The following TMCC3 variants were observed in gnomAD, a reference collection of about 807,000 sequenced individuals.
TMCC3 encodes the protein transmembrane and coiled-coil domain protein 3.
In TMCC3, 28 loss-of-function variants were observed where a neutral mutation model predicts 40.2. The ratio of observed to expected loss-of-function variants is 0.70; its 90% CI spans 0.52 to 0.95. The LOEUF is 0.95. Among genes scored for constraint, TMCC3 ranks in the 40% least tolerant of loss-of-function variants. The pLI is 0.00. For missense variants in TMCC3, 554 were observed against 615.2 expected (o/e 0.90, Z 1.05); for synonymous variants, 255 against 248.5 (o/e 1.03, Z -0.25).
intron 1 of TMCC3, among the ~76,000 whole-genome samples, chr12:94,602,219 C>T (rs1440332593): frequency 6.6e-6 from 1 of 152,206 alleles, no homozygotes; most frequent in Non-Finnish European, 1.5e-5. Flanking sequence ...AAAATCCTTT[C>T]TACAAAACTT....
intron 1 of TMCC3, among the ~76,000 whole-genome samples, chr12:94,609,448 C>T (rs977796911): frequency 1.6e-4 from 25 of 152,126 alleles, no homozygotes; most frequent in African/African-American, 5.6e-4. Flanking sequence ...CTTCTGATCA[C>T]CCCAAGTCCA....
At chr12:94,603,526 T>G (rs562066367) in intron 1 of TMCC3, among the ~76,000 whole-genome samples, 85 of 152,298 alleles carry the variant, frequency 5.6e-4, no homozygotes, top group African/African-American at 2.0e-3. Flanking sequence ...ATCTCACGTG[T>G]GTAATACTTA....
intron 1 of TMCC3, among the ~76,000 whole-genome samples, chr12:94,593,430 G>A (rs1452311566): frequency 3.7e-5 from 2 of 54,008 alleles, no homozygotes; most frequent in African/African-American, 1.2e-4. Context: ...GAAGGAAGAA[G>A]AAGGAGAAGG....
intron 1 of TMCC3, chr12:94,590,899 G>A: frequency 3.4e-6 from 2 of 584,608 alleles, no homozygotes; most frequent in Admixed American, 1.9e-5. Context: ...CAGCCTAGAT[G>A]AGTGAGTTTA....
In TMCC3 at chr12:94,582,522, A is replaced by G. The variant is rs751153724; in HGVS notation, c.95T>C (p.Met32Thr). 5 of 1,603,052 alleles carry G rather than the reference A, an allele frequency of 3.1e-6. No individual in the cohort carries two copies. Among genetic ancestry groups the G allele is most frequent in the Admixed American group, 1.7e-5 (1 of 57,660 alleles). Residue 32 changes from methionine (M) to threonine (T), a missense_variant, in exon 2 of 4, where the codon ATG becomes ACG. Transcript: ENST00000261226. ...RCKSRVERHD[M>T]NTLSLPLNIR... ...GTTCAGGGGCAGGCTTAAGGTATTCATGTCATGACGTTCTACCTGAAAGAG... is the reference window on the plus strand; with the variant it reads ...GTTCAGGGGCAGGCTTAAGGTATTCGTGTCATGACGTTCTACCTGAAAGAG...
intron 1 of TMCC3, among the ~76,000 whole-genome samples, chr12:94,648,513 C>T (rs771563438): frequency 6.6e-6 from 1 of 152,224 alleles, no homozygotes; most frequent in African/African-American, 2.4e-5. Flanking sequence ...GCATGAGCCA[C>T]CGCCCCCGGC....
intron 2 of TMCC3, among the ~76,000 whole-genome samples, chr12:94,580,968 A>G (rs948035722): frequency 2.0e-5 from 3 of 152,202 alleles, no homozygotes; most frequent in Non-Finnish European, 4.4e-5. Flanking sequence ...AAGGACCCAC[A>G]CATAAATCCT....
chr12:94,641,862 A>C (rs1232656456), intron 1 of TMCC3, among the ~76,000 whole-genome samples: 1 of 151,850 alleles, frequency 6.6e-6, no homozygotes, highest in Non-Finnish European at 1.5e-5. Context: ...TGAACTCTTC[A>C]TTTTGCAAAA....
At chr12:94,639,704 C>CACACACACACAT (rs1179611398) in intron 1 of TMCC3, among the ~76,000 whole-genome samples, 1 of 144,080 alleles carries the variant, frequency 6.9e-6, no homozygotes, top group African/African-American at 2.6e-5. Context: ...CACACACACA[C>CACACACACACAT]ATTGAAACCA....
At chr12:94,628,796 T>G (rs2068917010) in intron 1 of TMCC3, among the ~76,000 whole-genome samples, 1 of 152,200 alleles carries the variant, frequency 6.6e-6, no homozygotes, top group Admixed American at 6.5e-5. Flanking sequence ...GCGTGACTTT[T>G]GTAAAATTCT....
At chr12:94,577,388 C>T (rs1479292868) in intron 3 of TMCC3, among the ~76,000 whole-genome samples, 1 of 152,024 alleles carries the variant, frequency 6.6e-6, no homozygotes, top group Non-Finnish European at 1.5e-5. Context: ...CGGGGTTTCA[C>T]CTTGTTAGCC....
rs1285714797 is a variant in TMCC3, at chr12:94,570,933, C to A, written c.*502G>T. 1 of 163,378 alleles carries A rather than the reference C, an allele frequency of 6.1e-6. No individual in the cohort carries two copies. The highest frequency in any genetic ancestry group is 1.3e-5 in the Non-Finnish European group (1 of 74,276). The allele number at this position is 163,378 out of a possible 1,614,324, so 10.1% of individuals were successfully genotyped here. On this transcript the variant is annotated 3_prime_UTR_variant, in exon 4 of 4. Coordinates refer to ENST00000261226, the MANE Select transcript of TMCC3 (RefSeq NM_020698.4). ...CTGAGTACATGACGGGACCTATGGTCCCCTGGAGAGAAGCAGGGTGGATCA... is the reference window on the plus strand; with the variant it reads ...CTGAGTACATGACGGGACCTATGGTACCCTGGAGAGAAGCAGGGTGGATCA...
In TMCC3 at chr12:94,588,099, C is replaced by T. The variant is rs142934858; in HGVS notation, c.79-5561G>A. 1.7e-3 allele frequency among the ~76,000 whole-genome samples: 264 copies of T among 152,302 alleles called. 2 individuals are homozygous for T. The South Asian group carries it at 0.021, about 12-fold the overall frequency. On this transcript the variant is annotated intron_variant, in intron 1 of 3. Coordinates refer to ENST00000261226, the MANE Select transcript of TMCC3 (RefSeq NM_020698.4). ...GCACCACCTCTGCAATGAACCAGGC[C>T]TCCAGCACAACACACCAAGTTAGCT...
intron 1 of TMCC3, among the ~76,000 whole-genome samples, chr12:94,642,996 T>C (rs1241532560): frequency 1.3e-5 from 2 of 151,906 alleles, no homozygotes; most frequent in African/African-American, 4.8e-5. Context: ...ATCGAGACCA[T>C]CCTGGCCAAC....
At chr12:94,602,421 A>G (rs1274534) in intron 1 of TMCC3, among the ~76,000 whole-genome samples, 139,190 of 152,258 alleles carry the variant, frequency 0.91, 63,828 homozygotes, top group Middle Eastern at 0.95. Context: ...AGCTGAAAGT[A>G]CCATAGCAAA....
chr12:94,574,931 C>A (rs964181616), intron 3 of TMCC3, among the ~76,000 whole-genome samples: 3 of 151,868 alleles, frequency 2.0e-5, no homozygotes, highest in Non-Finnish European at 4.4e-5. Flanking sequence ...TTTTTTTAAC[C>A]AAAAGAAAAA....
intron 1 of TMCC3, among the ~76,000 whole-genome samples, chr12:94,594,151 CT>C (rs1329153805): frequency 6.6e-6 from 1 of 151,854 alleles, no homozygotes; most frequent in African/African-American, 2.4e-5. Context: ...ATATCTGCCC[CT>C]TACCTCTCCA....
chr12:94,570,960 A>T lies in TMCC3; in HGVS notation c.*475T>A. The T allele has an allele frequency of 1.7e-5, 3 of 172,706 alleles. No individual in the cohort carries two copies. Among genetic ancestry groups the T allele is most frequent in the East Asian group, 1.5e-4 (1 of 6,456 alleles). The allele number at this position is 172,706 out of a possible 1,614,324, so 10.7% of individuals were successfully genotyped here. On this transcript the variant is annotated 3_prime_UTR_variant, in exon 4 of 4. Coordinates refer to ENST00000261226, the MANE Select transcript of TMCC3 (RefSeq NM_020698.4). ...CCTGGAGAGAAGCAGGGTGGATCAC[A>T]CGGGGACCATAGGCCACAGTGTTTA...
chr12:94,645,844 A>G (rs1161278187), intron 1 of TMCC3, among the ~76,000 whole-genome samples: 1 of 152,222 alleles, frequency 6.6e-6, no homozygotes, highest in Non-Finnish European at 1.5e-5. Context: ...TTGACGCTCA[A>G]AAAGTTTTGG....
Sources: allele counts gnomAD v4.1 joint callset (sites outside exome capture counted in the v4.1 genomes callset), GRCh38; gene constraint gnomAD v4.1.1; transcripts MANE v1.5; gene names NCBI Gene and HGNC (gene_info 2026-07-23, HGNC 2026-07-21).